Variants in TMEM120B observed in about 807,000 individuals in gnomAD.
The protein encoded by TMEM120B is transmembrane protein 120B.
Under a neutral mutation model 55.5 loss-of-function variants are expected in TMEM120B, and 31 were observed. The ratio of observed to expected loss-of-function variants is 0.56; its 90% CI spans 0.42 to 0.75. TMEM120B has a LOEUF of 0.75. TMEM120B is among the 30% of genes least tolerant of loss of function. The pLI, the probability that TMEM120B is intolerant of heterozygous loss-of-function variation, is 0.00. For synonymous variants in TMEM120B, 203 were observed against 176.3 expected (o/e 1.15, Z -1.20); for missense variants, 399 against 425.5 (o/e 0.94, Z 0.55).
At chr12:121,761,826 G>C in intron 6 of TMEM120B, 88 bp downstream of exon 6, 2 of 1,019,232 alleles carry the variant, frequency 2.0e-6, no homozygotes, top group Non-Finnish European at 3.1e-6. Flanking sequence ...GACACCCTCA[G>C]GCTGCATTCC....
chr12:121,746,677 G>A (rs141353266), intron 2 of TMEM120B, among the ~76,000 whole-genome samples: 3,804 of 152,230 alleles, frequency 0.025, 78 homozygotes, highest in South Asian at 0.048. Context: ...GAAGAAGGCC[G>A]GGCGTGGTGG....
rs771997409 is a variant in TMEM120B at position 121,775,884 on chromosome 12, C to T, written c.*162C>T. 2.3e-5 allele frequency: 17 copies of T among 729,406 alleles called. No homozygotes were observed. Among genetic ancestry groups the T allele is most frequent in the Non-Finnish European group, 3.3e-5 (14 of 424,982 alleles). The allele number at this position is 729,406 out of a possible 1,614,324, so 45.2% of individuals were successfully genotyped here. On this transcript the variant is annotated 3_prime_UTR_variant, in exon 12 of 12. Transcript: ENST00000449592. This position sits in a 1 kb window ranked among gnomAD's most constrained non-coding sequence, Gnocchi z 4.3. ...TAGAGGAATGTGAGCCCCGCCTGTC[C>T]GCACAGTGTCCGCCCACCTATTTAT...
At chr12:121,765,089 G>A (rs1054575654) in intron 6 of TMEM120B, among the ~76,000 whole-genome samples, 1 of 151,704 alleles carries the variant, frequency 6.6e-6, no homozygotes, top group Non-Finnish European at 1.5e-5. Flanking sequence ...TGCCTCCTGG[G>A]AGCACCCACA....
chr12:121,771,278 C>T (rs569065859), intron 7 of TMEM120B, among the ~76,000 whole-genome samples: 8 of 152,212 alleles, frequency 5.3e-5, no homozygotes, highest in African/African-American at 1.7e-4. Context: ...AGGGAGTTAG[C>T]GCTTCTGCAC....
chr12:121,776,558 C>G lies in TMEM120B; in HGVS notation c.*836C>G, dbSNP rs1255661728. ...GGGAGGTGGGGGTGCCTGGCAGGCT[C>G]ACCCCCAGGGGCCGCACCCTGAGGC... On this transcript the variant is annotated 3_prime_UTR_variant, in exon 12 of 12. Transcript: ENST00000449592. 6.6e-6 allele frequency: 1 copy of G among 152,192 alleles called. No individual in the cohort carries two copies. The highest frequency in any genetic ancestry group is 1.5e-5 in the Non-Finnish European group (1 of 68,040). The allele number at this position is 152,192 out of a possible 1,614,324, so 9.4% of individuals were successfully genotyped here.
At chr12:121,728,210 C>A (rs950527299) in intron 1 of TMEM120B, among the ~76,000 whole-genome samples, 1 of 151,680 alleles carries the variant, frequency 6.6e-6, no homozygotes, top group Non-Finnish European at 1.5e-5. Flanking sequence ...GTTTCACAGG[C>A]CGGGCACGGT....
At chr12:121,762,583 C>G (rs943651079) in intron 6 of TMEM120B, among the ~76,000 whole-genome samples, 3 of 152,204 alleles carry the variant, frequency 2.0e-5, no homozygotes, top group African/African-American at 7.2e-5. Context: ...GCCTCACACC[C>G]ACCCTGATAG....
chr12:121,750,446 G>A lies in TMEM120B; in HGVS notation c.365+7G>A. ...TCCTCAGCAACCAGGCCAAGTAAGTGTCCCCCACCCACCACCCAGACCCAC... is the reference window on the plus strand; with the variant it reads ...TCCTCAGCAACCAGGCCAAGTAAGTATCCCCCACCCACCACCCAGACCCAC... On this transcript the variant is annotated splice_region_variant and intron_variant, in intron 4 of 11. Transcript: ENST00000449592. 4 of 1,609,568 alleles carry A rather than the reference G, an allele frequency of 2.5e-6. No homozygotes were observed. Among genetic ancestry groups the A allele is most frequent in the Non-Finnish European group, 3.4e-6 (4 of 1,178,044 alleles).
intron 3 of TMEM120B, among the ~76,000 whole-genome samples, chr12:121,749,095 C>A (rs750295032): frequency 2.6e-5 from 4 of 152,056 alleles, no homozygotes; most frequent in Non-Finnish European, 5.9e-5. Context: ...ATCAGCCTCG[C>A]GCTGAGTCAG....
At chr12:121,761,356 GAC>G (rs1466681957) in intron 5 of TMEM120B, among the ~76,000 whole-genome samples, 1 of 152,220 alleles carries the variant, frequency 6.6e-6, no homozygotes, top group Non-Finnish European at 1.5e-5. Context: ...TTAGAAGACA[GAC>G]AGGTTGCCCT....
Position 121,745,384 on chromosome 12 carries a change from T to TTTCA in TMEM120B, c.188+1658_188+1661dup, listed in dbSNP as rs544729269. Among the ~76,000 whole-genome samples, 143 of 152,292 alleles carry TTTCA rather than the reference T, an allele frequency of 9.4e-4. 2 individuals carry two copies. The highest frequency in any genetic ancestry group is 5.5e-3 in the Admixed American group (84 of 15,276). ...CTTTATTTCTATTTTTTAAAATTAT[T>TTTCA]TTCATTCATTCATTCATTCATTCAG... On this transcript the variant is annotated intron_variant, in intron 2 of 11. Coordinates refer to ENST00000449592, the MANE Select transcript of TMEM120B (RefSeq NM_001080825.2).
rs373008880 is a variant in TMEM120B, at chr12:121,752,090, G to T, written c.366-38G>T. ...CATGCCCAGGTGCTGGAATAGTCAT[G>T]GTAAGGGGCACACCCCTGGGCGTGT... On this transcript the variant is annotated intron_variant, in intron 4 of 11. Coordinates refer to ENST00000449592, the MANE Select transcript of TMEM120B (RefSeq NM_001080825.2). 63 of 1,575,476 alleles carry T rather than the reference G, an allele frequency of 4.0e-5. No individual in the cohort carries two copies. In the African/African-American group the frequency reaches 6.3e-4, roughly 16 times the overall value.
intron 1 of TMEM120B, among the ~76,000 whole-genome samples, chr12:121,730,840 C>A (rs1432615521): frequency 6.6e-6 from 1 of 151,580 alleles, no homozygotes; most frequent in African/African-American, 2.4e-5. Context: ...TGCCTGTAAT[C>A]CCAGCTACTC....
At chr12:121,727,398 T>C (rs1191869270) in intron 1 of TMEM120B, among the ~76,000 whole-genome samples, 2 of 151,778 alleles carry the variant, frequency 1.3e-5, no homozygotes, top group African/African-American at 2.4e-5. Context: ...GAGCCAGGCA[T>C]GGTCGTGCGT....
intron 1 of TMEM120B, among the ~76,000 whole-genome samples, chr12:121,738,167 G>A (rs1199381803): frequency 3.6e-4 from 55 of 152,036 alleles, no homozygotes; most frequent in Admixed American, 3.6e-3. Flanking sequence ...GCTGAGGCAG[G>A]AGAATTGCTT....
At chr12:121,726,336 T>C (rs1187073889) in intron 1 of TMEM120B, among the ~76,000 whole-genome samples, 1 of 151,914 alleles carries the variant, frequency 6.6e-6, no homozygotes, top group Admixed American at 6.6e-5. Flanking sequence ...TCCCAGCACT[T>C]TGGGAGGCCG....
intron 5 of TMEM120B, among the ~76,000 whole-genome samples, chr12:121,757,538 A>G (rs1324366268): frequency 1.5e-5 from 2 of 137,194 alleles, no homozygotes; most frequent in African/African-American, 5.6e-5. Context: ...TTTTTTTGAG[A>G]CAGAGTCTTG....
chr12:121,713,003 G>T (rs1040060107), intron 1 of TMEM120B, 39 bp downstream of exon 1: 1 of 1,472,232 alleles, frequency 6.8e-7, no homozygotes. Context: ...TCTGCTGCCC[G>T]CGGTGCAGCG....
In TMEM120B at chr12:121,775,873, C is replaced by T. The variant is rs1874228391; in HGVS notation, c.*151C>T. On this transcript the variant is annotated 3_prime_UTR_variant, in exon 12 of 12. Coordinates refer to ENST00000449592, the MANE Select transcript of TMEM120B (RefSeq NM_001080825.2). The surrounding 1 kb of genome is among the most constrained non-coding windows in gnomAD (Gnocchi z 4.3). Reference sequence around the variant, plus strand: ...CCCCAGTGGTCTAGAGGAATGTGAGCCCCGCCTGTCCGCACAGTGTCCGCC... The same window carrying T: ...CCCCAGTGGTCTAGAGGAATGTGAGTCCCGCCTGTCCGCACAGTGTCCGCC... The T allele has an allele frequency of 1.3e-6, 1 of 779,652 alleles. No homozygotes were observed. The highest frequency in any genetic ancestry group is 1.5e-5 in the South Asian group (1 of 67,608). The allele number at this position is 779,652 out of a possible 1,614,324, so 48.3% of individuals were successfully genotyped here.
Sources: allele counts gnomAD v4.1 joint callset (sites outside exome capture counted in the v4.1 genomes callset), GRCh38; gene constraint gnomAD v4.1.1; non-coding constraint Gnocchi (gnomAD v3.1); transcripts MANE v1.5; gene names NCBI Gene and HGNC (gene_info 2026-07-23, HGNC 2026-07-21).